Variants in CSMD1 observed in about 807,000 individuals in gnomAD.
CSMD1 encodes the protein CUB and sushi domain-containing protein 1.
In CSMD1, 213 loss-of-function variants were observed where a neutral mutation model predicts 417.5. The observed-to-expected ratio is 0.51, with a 90% CI of 0.46 to 0.57. CSMD1 has a LOEUF of 0.57. Ranked by LOEUF, CSMD1 falls within the 20% of genes least tolerant of loss-of-function variation. CSMD1 has a pLI of 0.00. For missense variants in CSMD1, 6,923 were observed against 4,529.7 expected, an observed-to-expected ratio of 1.53 and a Z score of -15.17; for synonymous variants, 2,862 against 1,736.8, an observed-to-expected ratio of 1.65 and a Z score of -16.11.
At chr8:4,404,889 C>A (rs566845946) in intron 3 of CSMD1, among the ~76,000 whole-genome samples, 1 of 152,128 alleles carries the variant, frequency 6.6e-6, no homozygotes, top group African/African-American at 2.4e-5. Flanking sequence ...ACATTTATTT[C>A]GCTCATTGAA....
chr8:4,707,877 A>T, intron 1 of CSMD1, among the ~76,000 whole-genome samples: 1 of 131,350 alleles, frequency 7.6e-6, no homozygotes, highest in African/African-American at 3.0e-5. Flanking sequence ...CAAGAGCAAG[A>T]CTTTGTTTCA....
At chr8:4,085,392 C>A (rs1800365844) in intron 3 of CSMD1, among the ~76,000 whole-genome samples, 1 of 152,012 alleles carries the variant, frequency 6.6e-6, no homozygotes, top group Non-Finnish European at 1.5e-5. Flanking sequence ...GGAGAAGCTC[C>A]AAAAAACTGA....
rs183822659 is a variant in CSMD1, at chr8:4,096,657, A to G, written c.416-64558T>C. On this transcript the variant is annotated intron_variant, in intron 3 of 69. Transcript: ENST00000635120. ...TAAAAATCTTTACTAAGATATTTAG[A>G]TAAGAACATAAGGCAACAAATTCAG... Among the ~76,000 whole-genome samples the G allele has an allele frequency of 4.6e-5, 7 of 152,378 alleles. No homozygotes were observed. The East Asian group carries it at 1.2e-3, about 25-fold the overall frequency.
At chr8:4,174,313 A>T in intron 3 of CSMD1, among the ~76,000 whole-genome samples, 1 of 152,264 alleles carries the variant, frequency 6.6e-6, no homozygotes, top group South Asian at 2.1e-4. Context: ...CATCCACTAC[A>T]TGACCTAGGT....
intron 54 of CSMD1, among the ~76,000 whole-genome samples, chr8:2,979,755 G>C (rs1805249876): frequency 1.3e-5 from 2 of 152,194 alleles, no homozygotes; most frequent in South Asian, 4.1e-4. Flanking sequence ...TAGTGCAGTA[G>C]AATAATGTTC....
intron 1 of CSMD1, among the ~76,000 whole-genome samples, chr8:4,970,447 G>A (rs978510105): frequency 1.3e-5 from 2 of 151,974 alleles, no homozygotes; most frequent in Non-Finnish European, 1.5e-5. Flanking sequence ...ATGTTTATGT[G>A]ACCAAAATGA....
At chr8:3,337,984 A>G (rs968270860) in intron 23 of CSMD1, among the ~76,000 whole-genome samples, 3 of 152,188 alleles carry the variant, frequency 2.0e-5, no homozygotes, top group African/African-American at 7.2e-5. Context: ...TCTGAACAGT[A>G]GACACTTCTC....
intron 7 of CSMD1, among the ~76,000 whole-genome samples, chr8:3,666,489 G>A (rs1273426357): frequency 7.9e-6 from 1 of 127,070 alleles, no homozygotes; most frequent in Non-Finnish European, 1.7e-5. Context: ...CATGCACAGG[G>A]CCAGGATCTA....
chr8:3,810,431 G>A (rs1312031461), intron 5 of CSMD1, among the ~76,000 whole-genome samples: 3 of 152,136 alleles, frequency 2.0e-5, no homozygotes, highest in Non-Finnish European at 4.4e-5. Flanking sequence ...TGTTAAGAAG[G>A]GATCGAAGGG....
At chr8:4,972,339 G>C (rs1256289408) in intron 1 of CSMD1, among the ~76,000 whole-genome samples, 1 of 152,238 alleles carries the variant, frequency 6.6e-6, no homozygotes, top group Non-Finnish European at 1.5e-5. Flanking sequence ...CAAGTGTCAA[G>C]GGGGAGACCG....
chr8:4,657,571 A>C lies in CSMD1; in HGVS notation c.86-20013T>G, dbSNP rs149215864. 8.3e-3 allele frequency among the ~76,000 whole-genome samples: 1,258 copies of C among 152,302 alleles called. 14 individuals carry two copies. The highest frequency in any genetic ancestry group is 0.029 in the African/African-American group (1,209 of 41,574). On this transcript the variant is annotated intron_variant, in intron 1 of 69. Transcript: ENST00000635120. The stretch of plus-strand genomic sequence containing the variant: ...TAAAAATTGTTTTTAAAAGTATTTA[A>C]TTCAATAACTACAGCAATAAAACAA...
At chr8:3,860,001 C>G (rs867803225) in intron 5 of CSMD1, among the ~76,000 whole-genome samples, 1 of 152,106 alleles carries the variant, frequency 6.6e-6, no homozygotes, top group South Asian at 2.1e-4. Context: ...GAAACCCAAA[C>G]TTGGAGTTTG....
At chr8:3,592,377 C>T (rs1390136660) in intron 8 of CSMD1, among the ~76,000 whole-genome samples, 1 of 152,012 alleles carries the variant, frequency 6.6e-6, no homozygotes, top group Admixed American at 6.6e-5. Flanking sequence ...AACATTTTTG[C>T]ATCTTCAGCA....
chr8:4,874,849 A>C (rs1232761384), intron 1 of CSMD1, among the ~76,000 whole-genome samples: 1 of 149,046 alleles, frequency 6.7e-6, no homozygotes, highest in Non-Finnish European at 1.5e-5. Flanking sequence ...ATATATATAT[A>C]ATATTAAATA....
At chr8:3,355,862 G>A (rs73505680) in intron 21 of CSMD1, among the ~76,000 whole-genome samples, 2,242 of 152,180 alleles carry the variant, frequency 0.015, 55 homozygotes, top group African/African-American at 0.051. Context: ...AACAATACAC[G>A]TGTAATGCAC....
At chr8:4,310,729 T>C (rs1423633577) in intron 3 of CSMD1, among the ~76,000 whole-genome samples, 4 of 152,126 alleles carry the variant, frequency 2.6e-5, no homozygotes, top group East Asian at 1.9e-4. Flanking sequence ...TTGTATACCA[T>C]GGAGAGAGTA....
intron 5 of CSMD1, among the ~76,000 whole-genome samples, chr8:3,881,707 A>G (rs1343073600): frequency 1.3e-5 from 2 of 152,096 alleles, no homozygotes; most frequent in African/African-American, 4.8e-5. Flanking sequence ...AGAGAAAAGC[A>G]GAGCTTGGGG....
intron 3 of CSMD1, among the ~76,000 whole-genome samples, chr8:4,296,283 A>C (rs1797675673): frequency 6.6e-6 from 1 of 152,118 alleles, no homozygotes; most frequent in African/African-American, 2.4e-5. Context: ...GAAGTGCCCA[A>C]GGCAGGAAGA....
At chr8:4,771,741 G>A (rs1021217354) in intron 1 of CSMD1, among the ~76,000 whole-genome samples, 2 of 152,172 alleles carry the variant, frequency 1.3e-5, no homozygotes, top group African/African-American at 4.8e-5. Context: ...GTCTATATGA[G>A]AGATGATGGC....
Sources: allele counts gnomAD v4.1 joint callset (sites outside exome capture counted in the v4.1 genomes callset), GRCh38; gene constraint gnomAD v4.1.1; transcripts MANE v1.5; gene names NCBI Gene and HGNC (gene_info 2026-07-23, HGNC 2026-07-21).